The following CMTR1 variants were observed in gnomAD, a reference collection of about 807,000 sequenced individuals.
CMTR1 encodes the protein cap methyltransferase 1, also known as cap-specific mRNA (nucleoside-2'-O-)-methyltransferase 1.
Under a neutral mutation model 107.0 loss-of-function variants are expected in CMTR1, and 39 were observed. The observed-to-expected ratio is 0.36, with a 90% CI of 0.28 to 0.48. The LOEUF is 0.48. CMTR1 is among the 20% of genes least tolerant of loss of function. The pLI, the probability that CMTR1 is intolerant of heterozygous loss-of-function variation, is 0.99. For synonymous variants in CMTR1, 366 were observed against 379.5 expected (o/e 0.96, Z 0.41); for missense variants, 672 against 1,064.9 (o/e 0.63, Z 5.14).
intron 8 of CMTR1, among the ~76,000 whole-genome samples, chr6:37,456,244 C>T (rs114873029): frequency 0.015 from 2,271 of 152,322 alleles, 52 homozygotes; most frequent in African/African-American, 0.052. Context: ...ACCATGCTGA[C>T]TCGAAGATGC....
At chr6:37,445,002 AT>A (rs1771754907) in intron 3 of CMTR1, among the ~76,000 whole-genome samples, 1 of 152,190 alleles carries the variant, frequency 6.6e-6, no homozygotes, top group Admixed American at 6.6e-5. Flanking sequence ...CTCCAGCCTA[AT>A]TAACAAAGTG....
At chr6:37,471,267 A>G (rs1461587731) in intron 14 of CMTR1, among the ~76,000 whole-genome samples, 190 bp downstream of exon 14, 1 of 152,146 alleles carries the variant, frequency 6.6e-6, no homozygotes, top group Non-Finnish European at 1.5e-5. Flanking sequence ...AATACTTTAC[A>G]TTGTCTTTGG....
intron 8 of CMTR1, among the ~76,000 whole-genome samples, chr6:37,456,148 G>GAGGGCACGGCCAGTGGCA (rs1452044741): frequency 6.6e-6 from 1 of 152,230 alleles, no homozygotes; most frequent in African/African-American, 2.4e-5. Flanking sequence ...GGTTCACTTA[G>GAGGGCACGGCCAGTGGCA]AGGGCACGGC....
chr6:37,452,903 G>T, intron 6 of CMTR1, 144 bp from the exon 7 acceptor site: 2 of 722,952 alleles, frequency 2.8e-6, no homozygotes, highest in East Asian at 2.5e-5. Context: ...TGAGCAGCCT[G>T]TGTAGGGTCA....
chr6:37,446,452 A>G lies in CMTR1; in HGVS notation c.444+3A>G. 6.2e-7 allele frequency: 1 copy of G among 1,608,508 alleles called. No homozygotes were observed. The highest frequency in any genetic ancestry group is 8.5e-7 in the Non-Finnish European group (1 of 1,178,404). On this transcript the variant is annotated splice_donor_region_variant and intron_variant, in intron 4 of 23. Transcript: ENST00000373451. ...TGGACTGGCGAGATGAGCCAGAGGTAAGTGTTAAAGTGAGGAGGAGATGGA... is the reference window on the plus strand; with the variant it reads ...TGGACTGGCGAGATGAGCCAGAGGTGAGTGTTAAAGTGAGGAGGAGATGGA...
At chr6:37,442,599 A>G (rs981774468) in intron 2 of CMTR1, among the ~76,000 whole-genome samples, 5 of 152,212 alleles carry the variant, frequency 3.3e-5, no homozygotes, top group African/African-American at 1.2e-4. Flanking sequence ...CTCTAAGGCA[A>G]TGTGATGAGT....
At chr6:37,447,626 C>T (rs1442298125) in intron 4 of CMTR1, among the ~76,000 whole-genome samples, 1 of 151,804 alleles carries the variant, frequency 6.6e-6, no homozygotes, top group Non-Finnish European at 1.5e-5. Flanking sequence ...TTTGGGAGGC[C>T]GAGGCGGGTG....
intron 4 of CMTR1, among the ~76,000 whole-genome samples, chr6:37,449,172 C>G (rs1381607498): frequency 2.0e-5 from 3 of 152,098 alleles, no homozygotes; most frequent in African/African-American, 7.2e-5. Flanking sequence ...TCTTAAACTC[C>G]TGGCCTCAAG....
intron 21 of CMTR1, 117 bp from the exon 22 acceptor site, chr6:37,478,292 C>T (rs1761780713): frequency 1.2e-6 from 1 of 817,144 alleles, no homozygotes; most frequent in Non-Finnish European, 2.1e-6. Flanking sequence ...GCCTCAGTTT[C>T]ATCTTAAGTC....
chr6:37,436,255 C>G (rs1203744670), intron 2 of CMTR1: 1 of 152,460 alleles, frequency 6.6e-6, no homozygotes, highest in Non-Finnish European at 1.5e-5. Context: ...CATTAAGCGT[C>G]GAAGATTTCA....
chr6:37,433,671 G>A (rs1159837237), intron 1 of CMTR1, among the ~76,000 whole-genome samples: 1 of 152,242 alleles, frequency 6.6e-6, no homozygotes, highest in Admixed American at 6.5e-5. Flanking sequence ...GGGTGGCAGT[G>A]CCAAACCGAG....
At chr6:37,427,812 T>C in the CMTR1 span, among the ~76,000 whole-genome samples, 1,020 of 152,318 alleles carry the variant, frequency 6.7e-3, 52 homozygotes, top group Admixed American at 0.064. The surrounding 1 kb of genome is among the most constrained non-coding windows in gnomAD (Gnocchi z 4.4). Context: ...AGAATCTCTT[T>C]AGTTTGCTTT....
rs1761853927 is a variant in CMTR1 at position 37,481,354 on chromosome 6, G to C, written c.*1209G>C. On this transcript the variant is annotated 3_prime_UTR_variant, in exon 24 of 24. Coordinates refer to ENST00000373451, the MANE Select transcript of CMTR1 (RefSeq NM_015050.3). ...GGGCACTGAGGCTCCCGTGAGGTTG[G>C]AATCGACTTCACCATGGGGGTCCTT... The C allele has an allele frequency of 2.5e-6, 3 of 1,191,702 alleles. No individual in the cohort carries two copies. Among genetic ancestry groups the C allele is most frequent in the African/African-American group, 1.6e-5 (1 of 62,500 alleles). 73.8% of individuals were successfully genotyped at this position (1,191,702 alleles called of 1,614,324 possible).
chr6:37,459,257 T>C (rs1331302329), intron 9 of CMTR1, among the ~76,000 whole-genome samples: 1 of 152,280 alleles, frequency 6.6e-6, no homozygotes, highest in African/African-American at 2.4e-5. Context: ...CAGCAAATCC[T>C]AAGTCCTTTC....
chr6:37,459,280 A>G (rs753950595), intron 9 of CMTR1, among the ~76,000 whole-genome samples: 42 of 152,358 alleles, frequency 2.8e-4, no homozygotes, highest in Middle Eastern at 3.4e-3. Flanking sequence ...AACAGTCCTT[A>G]TTACAAAATT....
In CMTR1 at chr6:37,478,437, A is replaced by G; in HGVS notation, c.2182A>G (p.Ser728Gly). The G allele has an allele frequency of 6.2e-7, 1 of 1,614,094 alleles. No homozygotes were observed. The highest frequency in any genetic ancestry group is 1.3e-5 in the African/African-American group (1 of 75,042). The change falls in exon 22 of 24, where the codon AGT (serine) becomes GGT (glycine). Residue 728 changes from serine to glycine, a missense_variant. Around this residue, in one of 2 missense-constraint regions of CMTR1, gnomAD observed 583 missense variants for 968.4 expected, o/e 0.60. Transcript: ENST00000373451. ...RLEMKIIKGS[S>G]GTPKLSYTGR... ...GGAGATGAAGATCATCAAGGGCTCC[A>G]GTGGCACCCCAAAGCTCAGCTACAC...
intron 1 of CMTR1, among the ~76,000 whole-genome samples, chr6:37,434,163 T>C (rs1456283695): frequency 6.6e-6 from 1 of 152,126 alleles, no homozygotes; most frequent in Non-Finnish European, 1.5e-5. Context: ...TCTTGCTTTC[T>C]GTTTGCTCAG....
intron 4 of CMTR1, among the ~76,000 whole-genome samples, chr6:37,447,304 A>G (rs1270456842): frequency 6.6e-6 from 1 of 152,168 alleles, no homozygotes; most frequent in African/African-American, 2.4e-5. Flanking sequence ...ATAAAAGCCT[A>G]ATAAGTCTTC....
chr6:37,465,357 T>C (rs955679515), intron 13 of CMTR1, among the ~76,000 whole-genome samples: 2 of 152,238 alleles, frequency 1.3e-5, no homozygotes, highest in Admixed American at 6.5e-5. Context: ...AAGTTCTGAT[T>C]ACGTCTTTGT....
Sources: allele counts gnomAD v4.1 joint callset (sites outside exome capture counted in the v4.1 genomes callset), GRCh38; gene constraint gnomAD v4.1.1; regional missense constraint gnomAD v4.1.1; non-coding constraint Gnocchi (gnomAD v3.1); transcripts MANE v1.5; gene names NCBI Gene and HGNC (gene_info 2026-07-23, HGNC 2026-07-21).